The following SLC60A2 variants were observed in gnomAD, a reference collection of about 807,000 sequenced individuals.
The protein encoded by SLC60A2 is major facilitator superfamily domain containing 4B.
chr6:111,262,343 T>G, the SLC60A2 span: 4 of 1,614,238 alleles, frequency 2.5e-6, no homozygotes, highest in South Asian at 4.4e-5. Context: ...CTTTCATTTT[T>G]GTGGGTCGTG....
the SLC60A2 span, chr6:111,269,776 G>A: frequency 5.3e-5 from 8 of 152,224 alleles, no homozygotes; most frequent in Non-Finnish European, 8.8e-5. Context: ...CATGTGAATC[G>A]TCATGAGATC....
chr6:111,266,006 G>A, the SLC60A2 span: 31 of 1,614,140 alleles, frequency 1.9e-5, no homozygotes, highest in South Asian at 4.4e-5. Context: ...GTCCGACAGC[G>A]TCTGCTGAAA....
At chr6:111,261,183 A>G in the SLC60A2 span, among the ~76,000 whole-genome samples, 2 of 152,242 alleles carry the variant, frequency 1.3e-5, no homozygotes, top group African/African-American at 2.4e-5. Context: ...GGCGTGGAAG[A>G]AAAGTGTAGA....
At chr6:111,261,589 T>A in the SLC60A2 span, among the ~76,000 whole-genome samples, 1 of 152,116 alleles carries the variant, frequency 6.6e-6, no homozygotes. Context: ...TGACTTAATT[T>A]AATTAATTAA....
the SLC60A2 span, chr6:111,265,870 C>A: frequency 3.8e-6 from 6 of 1,565,724 alleles, no homozygotes; most frequent in South Asian, 3.5e-5. Flanking sequence ...CATCTTTCAT[C>A]GACAGGTGGT....
the SLC60A2 span, among the ~76,000 whole-genome samples, chr6:111,272,238 A>G: frequency 2.0e-5 from 3 of 151,906 alleles, no homozygotes; most frequent in Non-Finnish European, 4.4e-5. Flanking sequence ...CCTGACCTCA[A>G]GTGATCCACC....
the SLC60A2 span, among the ~76,000 whole-genome samples, chr6:111,279,261 CTTTCTT>C: frequency 6.7e-6 from 1 of 150,360 alleles, no homozygotes. Flanking sequence ...CACTTTCTTT[CTTTCTT>C]TTTTTTTTTT....
At chr6:111,264,551 G>T in the SLC60A2 span, among the ~76,000 whole-genome samples, 6 of 152,208 alleles carry the variant, frequency 3.9e-5, no homozygotes, top group South Asian at 1.2e-3. Context: ...CACTTTGGGA[G>T]GCCGAGATGG....
At chr6:111,271,348 A>T in the SLC60A2 span, among the ~76,000 whole-genome samples, 1 of 152,078 alleles carries the variant, frequency 6.6e-6, no homozygotes, top group Non-Finnish European at 1.5e-5. Context: ...TATTATAAAA[A>T]CAATAAAGAC....
chr6:111,277,627 T>C, the SLC60A2 span, among the ~76,000 whole-genome samples: 2 of 152,220 alleles, frequency 1.3e-5, no homozygotes, highest in Non-Finnish European at 2.9e-5. Flanking sequence ...TGACAAAATT[T>C]CTATCAGCGG....
the SLC60A2 span, among the ~76,000 whole-genome samples, chr6:111,274,302 C>G: frequency 3.3e-5 from 5 of 152,124 alleles, no homozygotes. Flanking sequence ...TCTATTTTAT[C>G]TAAGCATAGC....
At chr6:111,259,911 CTTTTT>C in the SLC60A2 span, among the ~76,000 whole-genome samples, 1 of 121,188 alleles carries the variant, frequency 8.3e-6, no homozygotes, top group Non-Finnish European at 1.6e-5. Context: ...CTCCAGCAAG[CTTTTT>C]TTTTTTTTTT....
the SLC60A2 span, among the ~76,000 whole-genome samples, chr6:111,264,680 C>A: frequency 7.3e-5 from 11 of 150,914 alleles, no homozygotes; most frequent in African/African-American, 2.7e-4. Context: ...CCCAATTACT[C>A]GGGAGGCTGA....
At chr6:111,262,020 C>G in the SLC60A2 span, among the ~76,000 whole-genome samples, 18 of 151,142 alleles carry the variant, frequency 1.2e-4, no homozygotes, top group Admixed American at 1.2e-3. Context: ...AGGTATTGTT[C>G]AGAAAGGAAA....
chr6:111,263,478 A>G, the SLC60A2 span, among the ~76,000 whole-genome samples: 1 of 152,028 alleles, frequency 6.6e-6, no homozygotes, highest in African/African-American at 2.4e-5. Flanking sequence ...ATTTTTGTCT[A>G]TTTAATTTTT....
the SLC60A2 span, among the ~76,000 whole-genome samples, chr6:111,262,042 C>T: frequency 6.7e-6 from 1 of 148,678 alleles, no homozygotes. Flanking sequence ...AGGATTGCAA[C>T]AAAAAAATAA....
chr6:111,269,739 A>G, the SLC60A2 span: 1 of 152,204 alleles, frequency 6.6e-6, no homozygotes, highest in Non-Finnish European at 1.5e-5. Flanking sequence ...TCTACTCTGG[A>G]AAATTCACTA....
chr6:111,262,426 G>A, the SLC60A2 span: 10 of 1,609,148 alleles, frequency 6.2e-6, no homozygotes, highest in Non-Finnish European at 8.5e-6. Context: ...TTACTTTTGG[G>A]TAAGTAAATG....
the SLC60A2 span, among the ~76,000 whole-genome samples, chr6:111,272,301 C>T: frequency 1.3e-5 from 2 of 151,946 alleles, no homozygotes; most frequent in East Asian, 1.9e-4. Flanking sequence ...CCATGCCCAG[C>T]CCACCTGTGA....
Sources: gnomAD v4.1 joint callset for allele counts (sites outside exome capture counted in the v4.1 genomes callset) on GRCh38, gnomAD v4.1.1 for gene constraint, MANE v1.5 for transcripts, NCBI Gene and HGNC (gene_info 2026-07-23, HGNC 2026-07-21) for gene names.